TRPM6: variants seen among roughly 807,000 people sequenced by gnomAD.
TRPM6 encodes the protein channel kinase 2.
In TRPM6, 111 loss-of-function variants were observed where a neutral mutation model predicts 247.6. The observed-to-expected ratio is 0.45, with a 90% CI of 0.38 to 0.52. The LOEUF (loss-of-function observed/expected upper bound fraction) is 0.52. Among genes scored for constraint, TRPM6 ranks in the 20% least tolerant of loss-of-function variants. The pLI is 0.00. For missense variants in TRPM6, 2,126 were observed against 2,421.5 expected (o/e 0.88, Z 2.56); for synonymous variants, 892 against 853.8 (o/e 1.04, Z -0.78).
chr9:74,814,147 G>T (rs1587535577), intron 11 of TRPM6, among the ~76,000 whole-genome samples: 1 of 152,108 alleles, frequency 6.6e-6, no homozygotes, highest in South Asian at 2.1e-4. Context: ...ACATAGGGGA[G>T]GGTGCAATCA....
chr9:74,799,162 G>C (rs1471805796), intron 17 of TRPM6, among the ~76,000 whole-genome samples: 1 of 151,914 alleles, frequency 6.6e-6, no homozygotes, highest in Non-Finnish European at 1.5e-5. Flanking sequence ...GATCCTTTTT[G>C]GTTGACATTT....
intron 1 of TRPM6, chr9:74,887,432 G>T: frequency 8.6e-7 from 1 of 1,169,002 alleles, no homozygotes; most frequent in Non-Finnish European, 1.2e-6. Context: ...CGGATTCTCA[G>T]CTCAAGCCAC....
intron 25 of TRPM6, among the ~76,000 whole-genome samples, chr9:74,763,875 C>A (rs970349238): frequency 9.9e-5 from 15 of 152,126 alleles, no homozygotes; most frequent in Non-Finnish European, 1.0e-4. Flanking sequence ...AACAATTAGT[C>A]CAAGTGCAAT....
intron 5 of TRPM6, among the ~76,000 whole-genome samples, chr9:74,839,110 CAAAAAAAAAAAAAA>C (rs1041936045): frequency 1.6e-5 from 1 of 62,988 alleles, no homozygotes; most frequent in African/African-American, 4.8e-5. Flanking sequence ...GACTTCATCT[CAAAAAAAAAAAAAA>C]AAAGAAAAAG....
intron 7 of TRPM6, among the ~76,000 whole-genome samples, chr9:74,823,632 G>T (rs1829210590): frequency 6.6e-6 from 1 of 152,022 alleles, no homozygotes; most frequent in African/African-American, 2.4e-5. Context: ...TAGACATAGG[G>T]TTTCTCTAAA....
At chr9:74,753,879 G>T (rs1446605949) in intron 28 of TRPM6, among the ~76,000 whole-genome samples, 1 of 152,016 alleles carries the variant, frequency 6.6e-6, no homozygotes, top group African/African-American at 2.4e-5. Flanking sequence ...GATTAGCCGG[G>T]CACTCGGATC....
chr9:74,833,309 A>G (rs931728263), intron 6 of TRPM6, among the ~76,000 whole-genome samples: 1 of 152,212 alleles, frequency 6.6e-6, no homozygotes, highest in African/African-American at 2.4e-5. Context: ...ATATTTTACC[A>G]AAAAATTATA....
At chr9:74,858,016 A>C (rs1011430488) in intron 2 of TRPM6, among the ~76,000 whole-genome samples, 10 of 152,226 alleles carry the variant, frequency 6.6e-5, no homozygotes, top group African/African-American at 2.4e-4. Context: ...GAGGAACAGA[A>C]GAATCAAGTA....
chr9:74,863,334 A>G (rs1210814464), intron 1 of TRPM6, among the ~76,000 whole-genome samples: 1 of 152,114 alleles, frequency 6.6e-6, no homozygotes, highest in Admixed American at 6.5e-5. Context: ...GGCGTGAGCC[A>G]CTGTGCATGA....
intron 24 of TRPM6, among the ~76,000 whole-genome samples, chr9:74,772,724 A>C (rs1406710187): frequency 6.6e-6 from 1 of 152,124 alleles, no homozygotes; most frequent in African/African-American, 2.4e-5. Context: ...CAACCTACTG[A>C]TGGCAGGGCA....
intron 3 of TRPM6, among the ~76,000 whole-genome samples, chr9:74,851,501 A>C (rs889065354): frequency 6.6e-6 from 1 of 152,006 alleles, no homozygotes; most frequent in Non-Finnish European, 1.5e-5. Context: ...TAATCCCAGC[A>C]CTTTGGGAGG....
intron 37 of TRPM6, among the ~76,000 whole-genome samples, chr9:74,731,015 A>C (rs377270488): frequency 3.3e-5 from 5 of 152,142 alleles, no homozygotes; most frequent in African/African-American, 1.2e-4. Flanking sequence ...AAATACAGAT[A>C]TCAGGGCCCT....
At chr9:74,804,853 T>C (rs891141233) in intron 14 of TRPM6, 41 of 423,634 alleles carry the variant, frequency 9.7e-5, no homozygotes, top group Non-Finnish European at 1.5e-4. Context: ...AAAAGAAAAG[T>C]CCGAAGCACA....
chr9:74,870,260 G>T (rs966446933), intron 1 of TRPM6, among the ~76,000 whole-genome samples: 1 of 152,146 alleles, frequency 6.6e-6, no homozygotes, highest in East Asian at 1.9e-4. Flanking sequence ...GCCCCATGGG[G>T]AATATAATAT....
chr9:74,795,325 C>A (rs1451687781), intron 18 of TRPM6, among the ~76,000 whole-genome samples: 1 of 152,180 alleles, frequency 6.6e-6, no homozygotes, highest in Non-Finnish European at 1.5e-5. Flanking sequence ...CTGGCATACA[C>A]ATTCACTGGC....
At chr9:74,741,830 G>A (rs541076880) in intron 33 of TRPM6, among the ~76,000 whole-genome samples, 2 of 151,864 alleles carry the variant, frequency 1.3e-5, no homozygotes, top group African/African-American at 4.8e-5. Context: ...GCAGAGGTTA[G>A]AGTGAGCCAA....
chr9:74,787,434 A>T (rs922202895), intron 20 of TRPM6, among the ~76,000 whole-genome samples: 1 of 152,200 alleles, frequency 6.6e-6, no homozygotes, highest in African/African-American at 2.4e-5. Flanking sequence ...GAAATGTAAA[A>T]TAGTACACCG....
chr9:74,772,003 T>A (rs1827063120), intron 24 of TRPM6, among the ~76,000 whole-genome samples, 168 bp from the exon 25 acceptor site: 1 of 152,138 alleles, frequency 6.6e-6, no homozygotes, highest in African/African-American at 2.4e-5. Context: ...AATAAACAAC[T>A]GGGAGCTGGG....
At chr9:74,795,124 T>TCC (rs1760066583) in intron 18 of TRPM6, among the ~76,000 whole-genome samples, 1 of 152,168 alleles carries the variant, frequency 6.6e-6, no homozygotes, top group East Asian at 1.9e-4. Context: ...CTTGTGTCCC[T>TCC]TCAAGACGGC....
Sources: gnomAD v4.1 joint callset for allele counts (sites outside exome capture counted in the v4.1 genomes callset) on GRCh38, gnomAD v4.1.1 for gene constraint, MANE v1.5 for transcripts, NCBI Gene and HGNC (gene_info 2026-07-23, HGNC 2026-07-21) for gene names.